LRFN5: variants seen among roughly 807,000 people sequenced by gnomAD.
LRFN5 encodes the protein leucine rich repeat and fibronectin type III domain containing 5.
Under a neutral mutation model 45.6 loss-of-function variants are expected in LRFN5, and 24 were observed. The observed-to-expected ratio is 0.53, with a 90% CI of 0.38 to 0.74. The LOEUF is 0.74. LRFN5 is among the 30% of genes least tolerant of loss of function. LRFN5 has a pLI of 0.00. For synonymous variants in LRFN5, 340 were observed against 313.8 expected (o/e 1.08, Z -0.88); for missense variants, 776 against 861.5 (o/e 0.90, Z 1.24).
chr14:41,727,920 T>C (rs1432640827), intron 1 of LRFN5, among the ~76,000 whole-genome samples: 2 of 152,136 alleles, frequency 1.3e-5, no homozygotes. Flanking sequence ...GATTACTAAA[T>C]TGCTAAATAA....
intron 2 of LRFN5, among the ~76,000 whole-genome samples, chr14:41,808,543 G>A (rs58670422): frequency 4.2e-4 from 6 of 14,282 alleles, no homozygotes; most frequent in Non-Finnish European, 7.2e-4. Context: ...GGAAGGAAGG[G>A]AGGGATGAAG....
chr14:41,747,669 T>C (rs1396407456), intron 1 of LRFN5, among the ~76,000 whole-genome samples: 1 of 151,934 alleles, frequency 6.6e-6, no homozygotes, highest in African/African-American at 2.4e-5. Flanking sequence ...ATAGACAAAT[T>C]GGAATCATGA....
At chr14:41,802,142 C>A (rs1887356662) in intron 2 of LRFN5, among the ~76,000 whole-genome samples, 1 of 152,112 alleles carries the variant, frequency 6.6e-6, no homozygotes, top group Non-Finnish European at 1.5e-5. Context: ...TCAGAGAAAA[C>A]CAGAGCTGGA....
intron 1 of LRFN5, among the ~76,000 whole-genome samples, chr14:41,760,271 G>C (rs576423346): frequency 5.5e-4 from 84 of 152,146 alleles, no homozygotes; most frequent in African/African-American, 1.8e-3. Flanking sequence ...TTAATATTCA[G>C]ACATAGGGTC....
intron 2 of LRFN5, among the ~76,000 whole-genome samples, chr14:41,825,647 A>G (rs898602436): frequency 6.6e-6 from 1 of 152,138 alleles, no homozygotes; most frequent in African/African-American, 2.4e-5. Flanking sequence ...TCCAGGGATC[A>G]AGGGATATGA....
chr14:41,722,781 C>A (rs769182996), intron 1 of LRFN5, among the ~76,000 whole-genome samples: 1 of 152,092 alleles, frequency 6.6e-6, no homozygotes, highest in African/African-American at 2.4e-5. Flanking sequence ...ATACTTAATT[C>A]TTGTTTACTG....
At chr14:41,826,797 A>G (rs940841251) in intron 2 of LRFN5, among the ~76,000 whole-genome samples, 1 of 152,082 alleles carries the variant, frequency 6.6e-6, no homozygotes, top group Non-Finnish European at 1.5e-5. Context: ...CATCTATAAT[A>G]TGGGAAAATA....
chr14:41,630,823 ATTAG>A (rs1888507217), intron 1 of LRFN5, among the ~76,000 whole-genome samples: 1 of 152,048 alleles, frequency 6.6e-6, no homozygotes, highest in East Asian at 1.9e-4. Context: ...TGATATTTAT[ATTAG>A]TTCTTTATCG....
At chr14:41,729,569 C>T (rs1380703555) in intron 1 of LRFN5, among the ~76,000 whole-genome samples, 1 of 152,024 alleles carries the variant, frequency 6.6e-6, no homozygotes, top group Non-Finnish European at 1.5e-5. Context: ...TTTTCATAAA[C>T]AATCGTTTCC....
At chr14:41,684,476 T>C (rs1028805151) in intron 1 of LRFN5, among the ~76,000 whole-genome samples, 3 of 152,102 alleles carry the variant, frequency 2.0e-5, no homozygotes, top group Non-Finnish European at 2.9e-5. Context: ...CAAACTCTTA[T>C]ACAACTGTCA....
At chr14:41,710,717 C>T (rs1460057626) in intron 1 of LRFN5, among the ~76,000 whole-genome samples, 1 of 151,884 alleles carries the variant, frequency 6.6e-6, no homozygotes, top group African/African-American at 2.4e-5. Flanking sequence ...TGTGCTGCAC[C>T]CATTAACTCG....
intron 5 of LRFN5, among the ~76,000 whole-genome samples, chr14:41,903,432 A>G (rs911311386): frequency 2.0e-5 from 3 of 151,444 alleles, no homozygotes; most frequent in Non-Finnish European, 4.4e-5. Flanking sequence ...ATGAAAGCAT[A>G]TATTTCTCAA....
chr14:41,689,699 C>T (rs1242630126), intron 1 of LRFN5, among the ~76,000 whole-genome samples: 8 of 151,256 alleles, frequency 5.3e-5, no homozygotes, highest in Admixed American at 5.3e-4. Flanking sequence ...TCGAGACCAT[C>T]CTGGCTAACA....
chr14:41,631,182 A>G lies in LRFN5; in HGVS notation c.-197+22620A>G, dbSNP rs552465273. ...ATATAATCCAGCTCTAATCTCAACT[A>G]TTACTATTCCTCTGTTTACACTGTT... On this transcript the variant is annotated intron_variant, in intron 1 of 5. Transcript: ENST00000298119. Among the ~76,000 whole-genome samples, 15 of 152,276 alleles carry G rather than the reference A, an allele frequency of 9.9e-5. No individual in the cohort carries two copies. The South Asian group carries it at 2.9e-3, about 29-fold the overall frequency.
At chr14:41,760,946 G>T (rs1465289533) in intron 1 of LRFN5, among the ~76,000 whole-genome samples, 4 of 152,134 alleles carry the variant, frequency 2.6e-5, no homozygotes, top group Non-Finnish European at 5.9e-5. Flanking sequence ...AAGCCCCAAT[G>T]TCCATTTGGA....
At chr14:41,699,009 C>T (rs1882728074) in intron 1 of LRFN5, among the ~76,000 whole-genome samples, 2 of 151,832 alleles carry the variant, frequency 1.3e-5, no homozygotes, top group South Asian at 4.2e-4. Flanking sequence ...ATAGATAAGC[C>T]AATAAATTTA....
In LRFN5 at chr14:41,895,591, C is replaced by T. The variant is rs1056033581; in HGVS notation, c.2099-3326C>T. On this transcript the variant is annotated intron_variant, in intron 4 of 5. Coordinates refer to ENST00000298119, the MANE Select transcript of LRFN5 (RefSeq NM_152447.5). ...AGTGAACTGACATCCCACCACTGCA[C>T]TCCAGCCTGGGTGACAGAGAGAGAC... Among the ~76,000 whole-genome samples, 3 of 151,794 alleles carry T rather than the reference C, an allele frequency of 2.0e-5. No homozygotes were observed. The East Asian group carries it at 5.8e-4, about 29-fold the overall frequency.
intron 1 of LRFN5, among the ~76,000 whole-genome samples, chr14:41,681,101 A>C (rs1462257079): frequency 6.6e-6 from 1 of 152,152 alleles, no homozygotes; most frequent in East Asian, 1.9e-4. Context: ...TAATTAAAAA[A>C]ATGAAGCACA....
At chr14:41,618,732 CAT>C (rs1888007307) in intron 1 of LRFN5, among the ~76,000 whole-genome samples, 1 of 152,158 alleles carries the variant, frequency 6.6e-6, no homozygotes. Flanking sequence ...GGTACTGAGA[CAT>C]AGCCAGCCAC....
Sources: gnomAD v4.1 joint callset for allele counts (sites outside exome capture counted in the v4.1 genomes callset) on GRCh38, gnomAD v4.1.1 for gene constraint, MANE v1.5 for transcripts, NCBI Gene and HGNC (gene_info 2026-07-23, HGNC 2026-07-21) for gene names.